Variants in RNGTT observed in about 807,000 individuals in gnomAD.
RNGTT encodes the protein mRNA-capping enzyme.
RNGTT carries 33 observed loss-of-function variants against 79.3 expected under a neutral mutation model. That is an observed-to-expected ratio of 0.42 (90% CI 0.32 to 0.56). RNGTT has a LOEUF of 0.56. Among genes scored for constraint, RNGTT ranks in the 20% least tolerant of loss-of-function variants. The pLI, the probability that RNGTT is intolerant of heterozygous loss-of-function variation, is 0.17. For missense variants in RNGTT, 497 were observed against 739.1 expected (o/e 0.67, Z 3.80); for synonymous variants, 222 against 235.9 (o/e 0.94, Z 0.54).
intron 8 of RNGTT, among the ~76,000 whole-genome samples, chr6:88,883,706 G>A (rs938858041): frequency 1.3e-5 from 2 of 151,990 alleles, no homozygotes; most frequent in Non-Finnish European, 1.5e-5. Context: ...AGAAATATGA[G>A]AGAATTCTTC....
chr6:88,800,189 T>C (rs1779739146), intron 12 of RNGTT, among the ~76,000 whole-genome samples: 1 of 152,224 alleles, frequency 6.6e-6, no homozygotes, highest in Non-Finnish European at 1.5e-5. Flanking sequence ...AGGTTGAATA[T>C]GCCTTCTCTG....
Position 88,906,439 on chromosome 6 carries a change from A to C in RNGTT, c.369T>G (p.Gly123=). ...FNERNPPELI[G]VHCTHGFNRT... ...GATTGAAGCCATGAGTACAATGAAC[A>C]CCTAGAAAATAAAGTAGCTTTGGTT... is the stretch of plus-strand genomic sequence containing the variant. The change falls in exon 5 of 16, where the codon GGT becomes GGG. Residue 123 remains glycine (G), a splice_region_variant and synonymous_variant. Coordinates refer to ENST00000369485, the MANE Select transcript of RNGTT (RefSeq NM_003800.5). 1 of 1,579,826 alleles carries C rather than the reference A, an allele frequency of 6.3e-7. No homozygotes were observed. Among genetic ancestry groups the C allele is most frequent in the Non-Finnish European group, 8.6e-7 (1 of 1,166,990 alleles).
chr6:88,828,053 T>C (rs1220290706), intron 11 of RNGTT, among the ~76,000 whole-genome samples: 1 of 152,154 alleles, frequency 6.6e-6, no homozygotes, highest in Admixed American at 6.5e-5. Flanking sequence ...AAGGGACAGA[T>C]GGCCTCCTCA....
chr6:88,646,853 G>C (rs1342913270), intron 14 of RNGTT, among the ~76,000 whole-genome samples: 1 of 151,924 alleles, frequency 6.6e-6, no homozygotes, highest in Non-Finnish European at 1.5e-5. Context: ...TGGGGTGGGG[G>C]GAGTGGGGAG....
intron 14 of RNGTT, among the ~76,000 whole-genome samples, chr6:88,659,387 A>T (rs1267761151): frequency 6.6e-6 from 1 of 152,214 alleles, no homozygotes; most frequent in Non-Finnish European, 1.5e-5. Context: ...ACTTAAAGAA[A>T]TTTTTTAAAA....
chr6:88,723,780 A>C (rs546662919), intron 13 of RNGTT, among the ~76,000 whole-genome samples: 1 of 152,272 alleles, frequency 6.6e-6, no homozygotes, highest in African/African-American at 2.4e-5. Flanking sequence ...ACTGGAGTGC[A>C]GTGGTGCAAT....
At chr6:88,778,899 C>T (rs1032545572) in intron 12 of RNGTT, among the ~76,000 whole-genome samples, 1 of 152,068 alleles carries the variant, frequency 6.6e-6, no homozygotes, top group African/African-American at 2.4e-5. Flanking sequence ...TATAATTTTT[C>T]AGTGGAAATT....
intron 14 of RNGTT, among the ~76,000 whole-genome samples, chr6:88,618,927 T>C (rs181087810): frequency 1.3e-5 from 2 of 152,356 alleles, no homozygotes. Flanking sequence ...ACATCTATTA[T>C]CTAGAGTTCT....
chr6:88,873,581 A>G (rs550287225), intron 8 of RNGTT, among the ~76,000 whole-genome samples: 22 of 152,288 alleles, frequency 1.4e-4, no homozygotes, highest in Admixed American at 7.8e-4. Context: ...ATATATATAG[A>G]CAGAGGGAAA....
At chr6:88,739,868 C>T (rs1370757181) in intron 13 of RNGTT, among the ~76,000 whole-genome samples, 1 of 149,712 alleles carries the variant, frequency 6.7e-6, no homozygotes, top group Admixed American at 6.6e-5. Context: ...ATGAAGCTCC[C>T]ATGAGGATTT....
intron 14 of RNGTT, among the ~76,000 whole-genome samples, chr6:88,616,569 T>A (rs1238228594): frequency 6.6e-6 from 1 of 152,158 alleles, no homozygotes; most frequent in East Asian, 1.9e-4. Flanking sequence ...AATTTAAACT[T>A]TTTGTTCTTT....
chr6:88,959,143 G>A (rs1273633804), intron 1 of RNGTT, among the ~76,000 whole-genome samples: 1 of 151,974 alleles, frequency 6.6e-6, no homozygotes, highest in Non-Finnish European at 1.5e-5. Context: ...TCACTTGTAA[G>A]TGGGAGCTAA....
At chr6:88,768,152 G>GTGTGTGTGTGTA (rs1301537120) in intron 13 of RNGTT, among the ~76,000 whole-genome samples, 2 of 151,394 alleles carry the variant, frequency 1.3e-5, no homozygotes, top group Non-Finnish European at 2.9e-5. Context: ...GTGTGTGTGT[G>GTGTGTGTGTGTA]TGTGTGTGTT....
At chr6:88,946,968 T>C (rs1785038464) in intron 1 of RNGTT, among the ~76,000 whole-genome samples, 1 of 87,252 alleles carries the variant, frequency 1.1e-5, no homozygotes, top group South Asian at 4.8e-4. Flanking sequence ...CAGGCTGGAG[T>C]GCAGTGGCGT....
In RNGTT at chr6:88,895,486, G is replaced by A. The variant is rs576320692; in HGVS notation, c.685-3571C>T. 1.9e-4 allele frequency among the ~76,000 whole-genome samples: 29 copies of A among 152,050 alleles called. No homozygotes were observed. The South Asian group carries it at 4.8e-3, about 25-fold the overall frequency. On this transcript the variant is annotated intron_variant, in intron 6 of 15. Coordinates refer to ENST00000369485, the MANE Select transcript of RNGTT (RefSeq NM_003800.5). ...AATGTAAGGGGCCAAGCACAGCATC[G>A]GACATGTGCCACAGTTATAAACCCA...
At chr6:88,753,499 T>C (rs6907014) in intron 13 of RNGTT, among the ~76,000 whole-genome samples, 20,824 of 150,478 alleles carry the variant, frequency 0.14, 1,569 homozygotes, top group Middle Eastern at 0.24. Context: ...GTGAGACCCC[T>C]GTCTCAAAAA....
At chr6:88,887,047 TAAAAAAAAAAAAAAAA>T (rs754717516) in intron 8 of RNGTT, among the ~76,000 whole-genome samples, 1 of 83,458 alleles carries the variant, frequency 1.2e-5, no homozygotes, top group Non-Finnish European at 2.4e-5. Flanking sequence ...ACAATTTCTT[TAAAAAAAAAAAAAAAA>T]AAAAAAAGCC....
At chr6:88,865,771 T>C (rs1371075289) in intron 8 of RNGTT, among the ~76,000 whole-genome samples, 1 of 152,088 alleles carries the variant, frequency 6.6e-6, no homozygotes, top group African/African-American at 2.4e-5. Context: ...GAGCCTGAAA[T>C]ATCCCAATAT....
rs561614800 is a variant in RNGTT, at chr6:88,655,727, CTT to C, written c.1506+22624_1506+22625del. On this transcript the variant is annotated intron_variant, in intron 14 of 15. Coordinates refer to ENST00000369485, the MANE Select transcript of RNGTT (RefSeq NM_003800.5). Reference sequence around the variant, plus strand: ...CCTTTCTGCAGTGTCAAAGTGGAAACTTGGGTCTGACTCAGCCTTACAGCCAC... The same window carrying C: ...CCTTTCTGCAGTGTCAAAGTGGAAACGGGTCTGACTCAGCCTTACAGCCAC... Among the ~76,000 whole-genome samples the C allele has an allele frequency of 1.9e-3, 290 of 152,230 alleles. 4 individuals are homozygous for C. The highest frequency in any genetic ancestry group is 6.8e-3 in the African/African-American group (284 of 41,548).
Sources: gnomAD v4.1 joint callset for allele counts (sites outside exome capture counted in the v4.1 genomes callset) on GRCh38, gnomAD v4.1.1 for gene constraint, MANE v1.5 for transcripts, NCBI Gene and HGNC (gene_info 2026-07-23, HGNC 2026-07-21) for gene names.